SYCP1: variants seen among roughly 807,000 people sequenced by gnomAD.
SYCP1 encodes cancer/testis antigen 8.
In SYCP1, 64 loss-of-function variants were observed where a neutral mutation model predicts 153.1. That is an observed-to-expected ratio of 0.42 (90% CI 0.34 to 0.51). SYCP1 has a LOEUF of 0.51. SYCP1 is among the 20% of genes least tolerant of loss of function. The pLI is 0.06. For missense variants in SYCP1, 997 were observed against 1,049.0 expected, an observed-to-expected ratio of 0.95 and a Z score of 0.68; for synonymous variants, 384 against 341.8, an observed-to-expected ratio of 1.12 and a Z score of -1.36.
At chr1:114,857,636 C>A in intron 5 of SYCP1, 139 bp downstream of exon 5, 1 of 620,224 alleles carries the variant, frequency 1.6e-6, no homozygotes, top group Non-Finnish European at 2.5e-6. Flanking sequence ...ACCTTTTTTT[C>A]TGCTTCTGTA....
At chr1:114,991,813 A>C (rs1673944094) in intron 30 of SYCP1, among the ~76,000 whole-genome samples, 1 of 151,790 alleles carries the variant, frequency 6.6e-6, no homozygotes, top group African/African-American at 2.4e-5. Context: ...GAGATACTAT[A>C]AAAGAAAAAT....
At chr1:114,960,170 T>G (rs1360189245) in intron 27 of SYCP1, among the ~76,000 whole-genome samples, 3 of 143,858 alleles carry the variant, frequency 2.1e-5, no homozygotes, top group Non-Finnish European at 4.6e-5. Context: ...CTTGTTTTTT[T>G]TTTTTTTTTT....
intron 27 of SYCP1, among the ~76,000 whole-genome samples, chr1:114,956,863 C>T (rs560172908): frequency 6.7e-6 from 1 of 149,666 alleles, no homozygotes; most frequent in East Asian, 2.0e-4. Flanking sequence ...GAACCACAAA[C>T]AAAGGCAGAC....
chr1:114,938,331 A>C (rs1342791014), intron 23 of SYCP1, among the ~76,000 whole-genome samples: 1 of 143,168 alleles, frequency 7.0e-6, no homozygotes, highest in South Asian at 2.3e-4. Context: ...TCTCACTCAT[A>C]GGTGTGAATT....
intron 28 of SYCP1, 146 bp from the exon 29 acceptor site, chr1:114,981,190 T>G: frequency 1.7e-6 from 1 of 587,628 alleles, no homozygotes; most frequent in South Asian, 2.5e-5. Context: ...TGTAACTTAT[T>G]CAAACTTATC....
intron 28 of SYCP1, among the ~76,000 whole-genome samples, chr1:114,978,981 A>G (rs2878573): frequency 0.5 from 74,916 of 151,328 alleles, 19,857 homozygotes; most frequent in Middle Eastern, 0.61. Context: ...TTATAGAGAT[A>G]TTTTGATTCA....
chr1:114,994,478 C>G (rs1042718908), intron 30 of SYCP1, among the ~76,000 whole-genome samples: 3 of 151,240 alleles, frequency 2.0e-5, no homozygotes, highest in Non-Finnish European at 3.0e-5. Context: ...TAGGTCCTTT[C>G]TTGGCCAATT....
At chr1:114,968,356 T>A (rs1672271208) in intron 27 of SYCP1, among the ~76,000 whole-genome samples, 1 of 152,234 alleles carries the variant, frequency 6.6e-6, no homozygotes, top group South Asian at 2.1e-4. Context: ...GTCCCATATT[T>A]CTTGGAGGCT....
intron 23 of SYCP1, 100 bp from the exon 24 acceptor site, chr1:114,944,237 AAG>A: frequency 3.0e-6 from 2 of 673,640 alleles, no homozygotes. Flanking sequence ...TTCCATGAAT[AAG>A]TAATCTTCTA....
intron 27 of SYCP1, 118 bp downstream of exon 27, chr1:114,947,438 T>A (rs1311459490): frequency 1.4e-6 from 1 of 702,092 alleles, no homozygotes; most frequent in Non-Finnish European, 2.3e-6. Context: ...GATGAGAAAA[T>A]AATTTTCCCC....
chr1:114,914,337 A>G (rs890729942), intron 20 of SYCP1, among the ~76,000 whole-genome samples: 1 of 151,926 alleles, frequency 6.6e-6, no homozygotes, highest in Admixed American at 6.6e-5. Context: ...AATAAAATAT[A>G]GAAATCTTAA....
In SYCP1 at chr1:114,995,027, G is replaced by C; in HGVS notation, c.*8G>C. On this transcript the variant is annotated 3_prime_UTR_variant, in exon 32 of 32. Coordinates refer to ENST00000369522, the MANE Select transcript of SYCP1 (RefSeq NM_003176.4). ...GAAAAGTTATTTGTTTAATTTCAGA[G>C]AATCAGTGTAGTTAAGGAGCCTAAT... The C allele has an allele frequency of 6.3e-7, 1 of 1,593,938 alleles. No homozygotes were observed. The highest frequency in any genetic ancestry group is 8.5e-7 in the Non-Finnish European group (1 of 1,172,084).
At position 114,995,238 on chromosome 1, in the gene SYCP1, GTT is replaced by G. The variant is rs1674204795; in HGVS notation, c.*220_*221del. On this transcript the variant is annotated 3_prime_UTR_variant, in exon 32 of 32. Coordinates refer to ENST00000369522, the MANE Select transcript of SYCP1 (RefSeq NM_003176.4). ...GATAATTAGATGATTATATATTGTT[GTT>G]ACTTTTTCTTGTATTCATGAAAACT... 1 of 351,716 alleles carries G rather than the reference GTT, an allele frequency of 2.8e-6. No homozygotes were observed. The highest frequency in any genetic ancestry group is 2.1e-5 in the African/African-American group (1 of 47,096). The allele number at this position is 351,716 out of a possible 1,614,324, so 21.8% of individuals were successfully genotyped here.
intron 8 of SYCP1, among the ~76,000 whole-genome samples, chr1:114,872,935 A>G (rs988216726): frequency 6.6e-6 from 1 of 152,138 alleles, no homozygotes; most frequent in Non-Finnish European, 1.5e-5. Context: ...GATTATGGGA[A>G]TGAGCCCCCA....
intron 7 of SYCP1, 51 bp from the exon 8 acceptor site, chr1:114,860,685 T>A (rs1664308791): frequency 8.2e-7 from 1 of 1,215,856 alleles, no homozygotes; most frequent in East Asian, 2.4e-5. Context: ...TATATTGTGA[T>A]TTTGCTTTGA....
At chr1:114,919,902 G>C (rs1395317588) in intron 20 of SYCP1, among the ~76,000 whole-genome samples, 1 of 150,922 alleles carries the variant, frequency 6.6e-6, no homozygotes, top group Non-Finnish European at 1.5e-5. Context: ...TTTTTTCTTA[G>C]TTCGTCTTCC....
At chr1:114,858,121 ATCTTG>A (rs1664138003) in intron 5 of SYCP1, among the ~76,000 whole-genome samples, 1 of 152,112 alleles carries the variant, frequency 6.6e-6, no homozygotes, top group African/African-American at 2.4e-5. Flanking sequence ...TGAAAATTAT[ATCTTG>A]TCTTCACTTT....
rs1374389655 is a variant in SYCP1, at chr1:114,857,567, T to G, written c.291+70T>G. ...ATAACTTATTACCTATATGTATATT[T>G]CTTTTGAAGCTTCAAAAGGATTATT... is the stretch of plus-strand genomic sequence containing the variant. On this transcript the variant is annotated intron_variant, in intron 5 of 31. Transcript: ENST00000369522. 3.6e-6 allele frequency: 4 copies of G among 1,099,098 alleles called. No homozygotes were observed. The Admixed American group carries it at 1.1e-4, about 30-fold the overall frequency. 68.1% of individuals were successfully genotyped at this position (1,099,098 alleles called of 1,614,324 possible). A position where few individuals can be genotyped will look rare whatever the true frequency, so the allele number is the denominator to read the frequency against.
At chr1:114,929,242 T>A (rs963465653) in intron 23 of SYCP1, among the ~76,000 whole-genome samples, 8 of 151,800 alleles carry the variant, frequency 5.3e-5, no homozygotes, top group African/African-American at 1.7e-4. Flanking sequence ...GGAATTGAAA[T>A]GAAGTGGAAT....
Sources: gnomAD v4.1 joint callset for allele counts (sites outside exome capture counted in the v4.1 genomes callset) on GRCh38, gnomAD v4.1.1 for gene constraint, MANE v1.5 for transcripts, NCBI Gene and HGNC (gene_info 2026-07-23, HGNC 2026-07-21) for gene names.